FBL: variants seen among roughly 807,000 people sequenced by gnomAD.
The protein encoded by FBL is fibrillarin rRNA 2'-O-methyltransferase, also known as rRNA 2'-O-methyltransferase fibrillarin.
Under a neutral mutation model 42.2 loss-of-function variants are expected in FBL, and 10 were observed. The ratio of observed to expected loss-of-function variants is 0.24; its 90% CI spans 0.15 to 0.40. The LOEUF (loss-of-function observed/expected upper bound fraction) is 0.40, where lower values mean the gene tolerates loss of function less well. Among genes scored for constraint, FBL ranks in the 10% least tolerant of loss-of-function variants. FBL has a pLI of 1.00. For synonymous variants in FBL, 165 were observed against 165.4 expected, an observed-to-expected ratio of 1.00 and a Z score of 0.02; for missense variants, 351 against 439.2, an observed-to-expected ratio of 0.80 and a Z score of 1.79.
chr19:39,846,140 T>C lies in FBL; in HGVS notation c.10+151A>G, dbSNP rs1194643287. ...GCCAGTCACAAACCCCTAGACCTGC[T>C]GGAATCAGAATCCCCCTTCCCACAG... is the stretch of plus-strand genomic sequence containing the variant. On this transcript the variant is annotated intron_variant, in intron 1 of 8. Transcript: ENST00000221801. 5 of 908,150 alleles carry C rather than the reference T, an allele frequency of 5.5e-6. No homozygotes were observed. The South Asian group carries it at 7.6e-5, about 14-fold the overall frequency. 56.3% of individuals were successfully genotyped at this position (908,150 alleles called of 1,614,324 possible).
intron 1 of FBL, among the ~76,000 whole-genome samples, chr19:39,842,801 A>T (rs1402805250): frequency 6.6e-6 from 1 of 152,194 alleles, no homozygotes; most frequent in Non-Finnish European, 1.5e-5. Flanking sequence ...AAAGCTCTCC[A>T]GGTGACTCCA....
Position 39,837,715 on chromosome 19 carries a change from G to C in FBL, c.678C>G (p.Leu226=), listed in dbSNP as rs1271762494. The part of the protein sequence containing the change: ...DARHPHKYRM[L]IAMVDVIFAD... ...GGCCACCCCCAGACCCCTCACCGATGAGCATGCGGTATTTGTGTGGGTGTC... is the reference window on the plus strand; with the variant it reads ...GGCCACCCCCAGACCCCTCACCGATCAGCATGCGGTATTTGTGTGGGTGTC... Residue 226 remains leucine (L), a synonymous_variant, in exon 6 of 9, where the codon CTC becomes CTG. Coordinates refer to ENST00000221801, the MANE Select transcript of FBL (RefSeq NM_001436.4). 2.5e-6 allele frequency: 4 copies of C among 1,571,594 alleles called. No homozygotes were observed. The highest frequency in any genetic ancestry group is 1.4e-5 in the African/African-American group (1 of 73,142).
intron 7 of FBL, among the ~76,000 whole-genome samples, chr19:39,836,151 G>C (rs1210567743): frequency 6.6e-6 from 1 of 151,526 alleles, no homozygotes; most frequent in Non-Finnish European, 1.5e-5. Context: ...GCATGGGAGA[G>C]TTCTCCATTA....
At chr19:39,845,762 G>A (rs972063954) in intron 1 of FBL, among the ~76,000 whole-genome samples, 6 of 152,200 alleles carry the variant, frequency 3.9e-5, no homozygotes, top group Admixed American at 3.3e-4. Flanking sequence ...CGCCGCACAC[G>A]GCCAACCGGG....
chr19:39,838,365 A>G (rs1969093753), intron 5 of FBL: 1 of 152,754 alleles, frequency 6.5e-6, no homozygotes, highest in Non-Finnish European at 1.4e-5. Flanking sequence ...GGTTCAAGCA[A>G]TTCTCCTGTC....
At chr19:39,837,456 A>G (rs1969072104) in intron 6 of FBL, among the ~76,000 whole-genome samples, 1 of 152,218 alleles carries the variant, frequency 6.6e-6, no homozygotes, top group Non-Finnish European at 1.5e-5. Context: ...AGAGGCAGGA[A>G]GTACAGGAGA....
At chr19:39,846,086 T>G (rs947590705) in intron 1 of FBL, among the ~76,000 whole-genome samples, 3 of 152,174 alleles carry the variant, frequency 2.0e-5, no homozygotes, top group Admixed American at 6.5e-5. Flanking sequence ...GCCCACGGCC[T>G]TCTTCGACTC....
At chr19:39,839,574 T>G (rs1969117258) in intron 4 of FBL, among the ~76,000 whole-genome samples, 1 of 147,020 alleles carries the variant, frequency 6.8e-6, no homozygotes, top group Admixed American at 6.9e-5. Flanking sequence ...GCATATGAGA[T>G]GGTGACAGGT....
chr19:39,838,084 C>T, intron 5 of FBL: 1 of 454,262 alleles, frequency 2.2e-6, no homozygotes, highest in Non-Finnish European at 3.9e-6. Flanking sequence ...CCTGAGAGCC[C>T]AGGTTCCCAA....
intron 1 of FBL, among the ~76,000 whole-genome samples, chr19:39,841,032 C>T (rs1969155463): frequency 6.6e-6 from 1 of 152,168 alleles, no homozygotes; most frequent in Non-Finnish European, 1.5e-5. Context: ...CAGTTATACA[C>T]AACAGACTAA....
At chr19:39,846,198 C>A (rs1370607218) in intron 1 of FBL, 93 bp downstream of exon 1, 13 of 1,474,948 alleles carry the variant, frequency 8.8e-6, no homozygotes, top group Admixed American at 8.4e-5. Context: ...ACCCCTGCCC[C>A]CAGGCCAAGG....
In FBL at chr19:39,840,673, C is replaced by A. The variant is rs1030702866; in HGVS notation, c.125G>T (p.Gly42Val). 6.2e-7 allele frequency: 1 copy of A among 1,604,882 alleles called. No homozygotes were observed. The highest frequency in any genetic ancestry group is 2.3e-5 in the East Asian group (1 of 44,152). Reference sequence around the variant, plus strand: ...GCCTCCACCTCCTCCTCGTCCACGACCTCTAAAGCCTCCGCCTCGACCTCG... The same window carrying A: ...GCCTCCACCTCCTCCTCGTCCACGAACTCTAAAGCCTCCGCCTCGACCTCG... Reference protein sequence around the residue: ...GGRGRGGGFRGRGRGGGGGGG... With the variant: ...GGRGRGGGFRVRGRGGGGGGG... The change falls in exon 2 of 9, where the codon GGT (glycine) becomes GTT (valine). Residue 42 changes from glycine to valine, a missense_variant. Physicochemically the swap from Gly to Val is moderately radical, Grantham distance 109 (BLOSUM62 -3). Transcript: ENST00000221801. This position sits in a 1 kb window ranked among gnomAD's most constrained non-coding sequence, Gnocchi z 4.5.
In FBL at chr19:39,837,650, T is replaced by A. The variant is rs1339102707; in HGVS notation, c.682+61A>T. 4.8e-6 allele frequency: 7 copies of A among 1,451,250 alleles called. No individual in the cohort carries two copies. In the East Asian group the frequency reaches 1.8e-4, roughly 37 times the overall value. 89.9% of individuals were successfully genotyped at this position (1,451,250 alleles called of 1,614,324 possible). ...CCATCCGAATCAGAGATCCACTGGC[T>A]TCTTCCAGAAGCCTGCGGTGGCCTG... is the stretch of plus-strand genomic sequence containing the variant. On this transcript the variant is annotated intron_variant, in intron 6 of 8. Coordinates refer to ENST00000221801, the MANE Select transcript of FBL (RefSeq NM_001436.4).
rs373658782 is a variant in FBL, at chr19:39,839,108, G to A, written c.476C>T (p.Pro159Leu). Reference sequence around the variant, plus strand: ...CCCGAGGTAGAGAACCTTAGCCCCCGGTTTGATGTGGATCTGGTCCACACC... The same window carrying A: ...CCCGAGGTAGAGAACCTTAGCCCCCAGTTTGATGTGGATCTGGTCCACACC... Reference protein sequence around the residue: ...LGGVDQIHIKPGAKVLYLGAA... With the variant: ...LGGVDQIHIKLGAKVLYLGAA... The change falls in exon 5 of 9, where the codon CCG becomes CTG. Residue 159 changes from proline (P) to leucine (L), a missense_variant. Transcript: ENST00000221801. 1.3e-4 allele frequency: 214 copies of A among 1,614,004 alleles called. No individual in the cohort carries two copies. Among genetic ancestry groups the A allele is most frequent in the Non-Finnish European group, 1.7e-4 (205 of 1,180,020 alleles).
intron 1 of FBL, among the ~76,000 whole-genome samples, chr19:39,843,643 T>C (rs1040969305): frequency 6.6e-6 from 1 of 152,212 alleles, no homozygotes; most frequent in African/African-American, 2.4e-5. Context: ...TGGTGGCGCA[T>C]GCCTGTAATC....
At chr19:39,844,040 A>G (rs189738464) in intron 1 of FBL, among the ~76,000 whole-genome samples, 1 of 152,136 alleles carries the variant, frequency 6.6e-6, no homozygotes, top group East Asian at 1.9e-4. Context: ...AGCTACTCCT[A>G]ATTTGATCTT....
At chr19:39,845,736 A>G (rs571154926) in intron 1 of FBL, among the ~76,000 whole-genome samples, 352 of 152,312 alleles carry the variant, frequency 2.3e-3, no homozygotes, top group African/African-American at 8.1e-3. Flanking sequence ...AGAAGGCGGG[A>G]AAGTGAGCCG....
Position 39,840,511 on chromosome 19 carries a change from T to A in FBL, c.186A>T (p.Gly62=), listed in dbSNP as rs1432224824. ...GGGGGGGRGG[G]GFHSGGNRGR... ...CCCGGTTGCCACCAGAATGGAAGCC[T>A]CCACCTATAAAGGAGAGGTACAACA... is the stretch of plus-strand genomic sequence containing the variant. The change falls in exon 3 of 9, where the codon GGA becomes GGT. Residue 62 remains glycine (G), a synonymous_variant. Coordinates refer to ENST00000221801, the MANE Select transcript of FBL (RefSeq NM_001436.4). The surrounding 1 kb of genome is among the most constrained non-coding windows in gnomAD (Gnocchi z 4.5). 1.2e-5 allele frequency: 19 copies of A among 1,613,942 alleles called. No individual in the cohort carries two copies. The Admixed American group carries it at 1.8e-4, about 16-fold the overall frequency.
In FBL at chr19:39,840,688, CCT is replaced by C; in HGVS notation, c.108_109del (p.Gly37ArgfsTer4). The C allele has an allele frequency of 1.3e-6, 2 of 1,594,060 alleles. No homozygotes were observed. Among genetic ancestry groups the C allele is most frequent in the Non-Finnish European group, 1.7e-6 (2 of 1,170,754 alleles). On this transcript the variant is annotated frameshift_variant, in exon 2 of 9. Coordinates refer to ENST00000221801, the MANE Select transcript of FBL (RefSeq NM_001436.4). LOFTEE classifies it high-confidence loss of function. This position sits in a 1 kb window ranked among gnomAD's most constrained non-coding sequence, Gnocchi z 4.5. ...TCGTCCACGACCTCTAAAGCCTCCGCCTCGACCTCGGCCCCCGCCAAAGCCCC... is the reference window on the plus strand; with the variant it reads ...TCGTCCACGACCTCTAAAGCCTCCGCCGACCTCGGCCCCCGCCAAAGCCCC...
Sources: gnomAD v4.1 joint callset for allele counts (sites outside exome capture counted in the v4.1 genomes callset) on GRCh38, gnomAD v4.1.1 for gene constraint, Gnocchi (gnomAD v3.1) non-coding constraint, MANE v1.5 for transcripts, NCBI Gene and HGNC (gene_info 2026-07-23, HGNC 2026-07-21) for gene names.